The following MCU variants were observed in gnomAD, a reference collection of about 807,000 sequenced individuals.
MCU encodes calcium uniporter protein, mitochondrial.
Under a neutral mutation model 45.2 loss-of-function variants are expected in MCU, and 12 were observed. The ratio of observed to expected loss-of-function variants is 0.27; its 90% CI spans 0.17 to 0.43. The LOEUF is 0.43. Ranked by LOEUF, MCU falls within the 20% of genes least tolerant of loss-of-function variation. The probability of loss-of-function intolerance (pLI) is 1.00; values close to 1 mark genes in which losing one functional copy is unlikely to be tolerated. For missense variants in MCU, 324 were observed against 436.7 expected (o/e 0.74, Z 2.30); for synonymous variants, 160 against 165.1 (o/e 0.97, Z 0.24).
At chr10:72,755,009 A>G (rs961289439) in intron 1 of MCU, among the ~76,000 whole-genome samples, 8 of 152,152 alleles carry the variant, frequency 5.3e-5, no homozygotes, top group African/African-American at 1.9e-4. Context: ...TCCTGGTATC[A>G]CTACCTAGTT....
intron 1 of MCU, among the ~76,000 whole-genome samples, chr10:72,741,301 A>G (rs1843328599): frequency 6.6e-6 from 1 of 151,968 alleles, no homozygotes; most frequent in Non-Finnish European, 1.5e-5. Context: ...GGGTTTCACC[A>G]TGTTGGCCAG....
chr10:72,824,128 G>T (rs1844755825), intron 1 of MCU, among the ~76,000 whole-genome samples: 1 of 151,894 alleles, frequency 6.6e-6, no homozygotes, highest in Non-Finnish European at 1.5e-5. Flanking sequence ...TGTTCTTACG[G>T]TATTCCTACT....
chr10:72,869,080 G>C (rs1353017216), intron 5 of MCU, among the ~76,000 whole-genome samples: 1 of 152,166 alleles, frequency 6.6e-6, no homozygotes, highest in South Asian at 2.1e-4. Flanking sequence ...AGAGCTTTCA[G>C]TTCTAAATGC....
At chr10:72,717,404 G>T (rs958953214) in intron 1 of MCU, among the ~76,000 whole-genome samples, 1 of 151,776 alleles carries the variant, frequency 6.6e-6, no homozygotes, top group African/African-American at 2.4e-5. Flanking sequence ...GGTTATAGGC[G>T]CCCGCCACCA....
chr10:72,861,334 C>A (rs1845371966), intron 4 of MCU, among the ~76,000 whole-genome samples: 1 of 151,972 alleles, frequency 6.6e-6, no homozygotes, highest in Admixed American at 6.6e-5. Flanking sequence ...CCTGTATATG[C>A]TTTTATGGGA....
chr10:72,751,338 C>CTT (rs1356858626), intron 1 of MCU, among the ~76,000 whole-genome samples: 9 of 55,386 alleles, frequency 1.6e-4, no homozygotes, highest in Non-Finnish European at 2.7e-4. Flanking sequence ...TCTTCTTCTT[C>CTT]TTCTTTTTTT....
intron 1 of MCU, among the ~76,000 whole-genome samples, chr10:72,782,560 C>T (rs538947740): frequency 2.0e-5 from 3 of 152,050 alleles, no homozygotes; most frequent in Non-Finnish European, 4.4e-5. Flanking sequence ...TCAGTAGAGG[C>T]GGGGTTTCGC....
chr10:72,820,659 C>T (rs964675670), intron 1 of MCU, among the ~76,000 whole-genome samples: 27 of 152,108 alleles, frequency 1.8e-4, no homozygotes, highest in Middle Eastern at 3.4e-3. Context: ...TACAGGTGCC[C>T]GCCACAATGC....
At chr10:72,786,485 C>G (rs530975233) in intron 1 of MCU, among the ~76,000 whole-genome samples, 9 of 152,146 alleles carry the variant, frequency 5.9e-5, no homozygotes, top group Non-Finnish European at 1.2e-4. Flanking sequence ...TGGCTCTTTC[C>G]TATAACCCCA....
chr10:72,791,681 C>T (rs1055042510), intron 1 of MCU, among the ~76,000 whole-genome samples: 2 of 151,938 alleles, frequency 1.3e-5, no homozygotes, highest in East Asian at 1.9e-4. Context: ...CACAAATCAC[C>T]GGTGCAACTA....
At chr10:72,699,501 C>T (rs1272467179) in intron 1 of MCU, among the ~76,000 whole-genome samples, 2 of 151,236 alleles carry the variant, frequency 1.3e-5, no homozygotes, top group East Asian at 1.9e-4. Flanking sequence ...AGCAACACTC[C>T]GTCCCGGAAA....
At chr10:72,766,678 T>G (rs1207517903) in intron 1 of MCU, 1 of 152,254 alleles carries the variant, frequency 6.6e-6, no homozygotes, top group Non-Finnish European at 1.5e-5. Context: ...CATTTCTCTC[T>G]GTGTAAAATT....
chr10:72,869,659 C>A (rs1225091939), intron 5 of MCU, among the ~76,000 whole-genome samples: 1 of 151,960 alleles, frequency 6.6e-6, no homozygotes, highest in African/African-American at 2.4e-5. Flanking sequence ...TTTTAAAAAT[C>A]AATATAATGA....
At chr10:72,785,956 C>G (rs1471034063) in intron 1 of MCU, among the ~76,000 whole-genome samples, 3 of 152,140 alleles carry the variant, frequency 2.0e-5, no homozygotes, top group Non-Finnish European at 2.9e-5. Context: ...AATAACATAT[C>G]CTTGCCTACA....
At chr10:72,737,606 A>G (rs1260478800) in intron 1 of MCU, among the ~76,000 whole-genome samples, 1 of 145,840 alleles carries the variant, frequency 6.9e-6, no homozygotes, top group African/African-American at 2.6e-5. Flanking sequence ...TGCAACTTCC[A>G]CCTCCTGGGT....
chr10:72,787,479 G>A (rs1181910018), intron 1 of MCU, among the ~76,000 whole-genome samples: 6 of 152,026 alleles, frequency 3.9e-5, no homozygotes, highest in African/African-American at 1.4e-4. Flanking sequence ...ATGTTGGCCA[G>A]GCTGGTCTTG....
intron 1 of MCU, among the ~76,000 whole-genome samples, chr10:72,726,086 A>G (rs1162795265): frequency 6.6e-6 from 1 of 151,952 alleles, no homozygotes; most frequent in Non-Finnish European, 1.5e-5. Flanking sequence ...ATATATTTTA[A>G]GATAGGATCC....
chr10:72,868,935 C>T, intron 5 of MCU, 72 bp downstream of exon 5: 1 of 1,487,082 alleles, frequency 6.7e-7, no homozygotes, highest in Non-Finnish European at 9.1e-7. Flanking sequence ...TCTGTTTTTT[C>T]TTGTAAGTTT....
chr10:72,875,103 C>T (rs1399236532), intron 6 of MCU, among the ~76,000 whole-genome samples: 1 of 152,032 alleles, frequency 6.6e-6, no homozygotes, highest in Non-Finnish European at 1.5e-5. Context: ...AGTAATCTGC[C>T]CAAACATTAT....
Sources: gnomAD v4.1 joint callset for allele counts (sites outside exome capture counted in the v4.1 genomes callset) on GRCh38, gnomAD v4.1.1 for gene constraint, MANE v1.5 for transcripts, NCBI Gene and HGNC (gene_info 2026-07-23, HGNC 2026-07-21) for gene names.